TTC7B: variants seen among roughly 807,000 people sequenced by gnomAD.
TTC7B encodes tetratricopeptide repeat domain 7B.
Under a neutral mutation model 106.8 loss-of-function variants are expected in TTC7B, and 28 were observed. That is an observed-to-expected ratio of 0.26 (90% confidence interval 0.19 to 0.36). The LOEUF is 0.36. Among genes scored for constraint, TTC7B ranks in the 10% least tolerant of loss-of-function variants. The pLI is 1.00. For missense variants in TTC7B, 862 were observed against 1,076.4 expected, an observed-to-expected ratio of 0.80 and a Z score of 2.79; for synonymous variants, 405 against 430.6, an observed-to-expected ratio of 0.94 and a Z score of 0.74.
chr14:90,600,362 G>A lies in TTC7B; in HGVS notation c.1967-6736C>T, dbSNP rs374971699. On this transcript the variant is annotated intron_variant, in intron 17 of 19. Transcript: ENST00000328459. This position sits in a 1 kb window ranked among gnomAD's most constrained non-coding sequence, Gnocchi z 4.3. ...TGCTGCTTCCCTGGGAGCTGCCCTC[G>A]CGCCTTGTGTCCCCCAGTGTGACAG... Among the ~76,000 whole-genome samples the A allele has an allele frequency of 3.3e-5, 5 of 152,100 alleles. 1 individual carries two copies. Among genetic ancestry groups the A allele is most frequent in the East Asian group, 1.9e-4 (1 of 5,180 alleles).
chr14:90,727,416 C>T (rs1307361312), intron 5 of TTC7B, among the ~76,000 whole-genome samples: 1 of 152,226 alleles, frequency 6.6e-6, no homozygotes, highest in African/African-American at 2.4e-5. Flanking sequence ...ACAATAGGGG[C>T]AATACTGCTC....
intron 2 of TTC7B, among the ~76,000 whole-genome samples, chr14:90,785,698 G>T (rs774630939): frequency 1.6e-4 from 25 of 152,272 alleles, no homozygotes; most frequent in African/African-American, 4.3e-4. Context: ...TTGCTGAGAC[G>T]TGGGGAAGTT....
chr14:90,622,777 A>G (rs577087129), intron 15 of TTC7B, among the ~76,000 whole-genome samples: 123 of 152,150 alleles, frequency 8.1e-4, no homozygotes, highest in Non-Finnish European at 1.1e-3. Flanking sequence ...CTCATTAAAA[A>G]CTTACAGAAA....
At chr14:90,547,325 T>C (rs1054697326) in intron 19 of TTC7B, among the ~76,000 whole-genome samples, 1 of 152,270 alleles carries the variant, frequency 6.6e-6, no homozygotes, top group Non-Finnish European at 1.5e-5. Flanking sequence ...AGCATCTTCC[T>C]CGCTTTTGCC....
chr14:90,644,664 A>G (rs1251688206), intron 14 of TTC7B: 1 of 154,048 alleles, frequency 6.5e-6, no homozygotes, highest in Non-Finnish European at 1.4e-5. Context: ...TTCAAGTATT[A>G]CTGAAATTAA....
chr14:90,622,930 C>T (rs1884273054), intron 15 of TTC7B, among the ~76,000 whole-genome samples: 1 of 152,136 alleles, frequency 6.6e-6, no homozygotes. Context: ...TGTCCATTGC[C>T]CATCACCTAC....
intron 5 of TTC7B, among the ~76,000 whole-genome samples, chr14:90,721,246 G>C (rs1211226272): frequency 6.6e-6 from 1 of 152,160 alleles, no homozygotes; most frequent in Non-Finnish European, 1.5e-5. Flanking sequence ...CCATCTTGCT[G>C]AATGCTGAGG....
intron 17 of TTC7B, among the ~76,000 whole-genome samples, chr14:90,601,658 C>A (rs1009982927): frequency 6.6e-6 from 1 of 152,160 alleles, no homozygotes; most frequent in Non-Finnish European, 1.5e-5. Flanking sequence ...TGCAGGGGAG[C>A]GCCCCGGGTC....
At chr14:90,557,494 G>T (rs1029472249) in intron 19 of TTC7B, among the ~76,000 whole-genome samples, 1 of 152,254 alleles carries the variant, frequency 6.6e-6, no homozygotes, top group Admixed American at 6.5e-5. Flanking sequence ...AGGAATATTT[G>T]TTGGAGCACC....
chr14:90,566,691 G>C (rs935082951), intron 19 of TTC7B, among the ~76,000 whole-genome samples: 5 of 152,242 alleles, frequency 3.3e-5, no homozygotes, highest in Non-Finnish European at 7.3e-5. Context: ...GTGGTGGGCA[G>C]TAAAGCAGGC....
Position 90,570,826 on chromosome 14 carries a change from G to C in TTC7B, c.2310+7280C>G, listed in dbSNP as rs1339585834. Among the ~76,000 whole-genome samples the C allele has an allele frequency of 6.6e-6, 1 of 152,138 alleles. No individual in the cohort carries two copies. The highest frequency in any genetic ancestry group is 1.5e-5 in the Non-Finnish European group (1 of 68,040). ...TTAACCCGCACAGCAACACCACCGG[G>C]CACTGTTATTACTCCCATTTCACTG... On this transcript the variant is annotated intron_variant, in intron 19 of 19. Coordinates refer to ENST00000328459, the MANE Select transcript of TTC7B (RefSeq NM_001010854.2). This position sits in a 1 kb window ranked among gnomAD's most constrained non-coding sequence, Gnocchi z 4.0.
At chr14:90,606,668 G>A (rs574852789) in intron 17 of TTC7B, among the ~76,000 whole-genome samples, 8 of 152,276 alleles carry the variant, frequency 5.3e-5, no homozygotes, top group East Asian at 3.9e-4. Context: ...AGGAAGGGAC[G>A]CCCAAGGTGA....
At chr14:90,592,029 A>T (rs999160824) in intron 18 of TTC7B, among the ~76,000 whole-genome samples, 1 of 152,226 alleles carries the variant, frequency 6.6e-6, no homozygotes, top group African/African-American at 2.4e-5. Flanking sequence ...TACGGTAGTC[A>T]TTATGGTGCA....
At chr14:90,749,680 C>T (rs1426365641) in intron 3 of TTC7B, among the ~76,000 whole-genome samples, 1 of 152,192 alleles carries the variant, frequency 6.6e-6, no homozygotes, top group African/African-American at 2.4e-5. Context: ...GCTGGGATTA[C>T]AGGCATGAGC....
chr14:90,641,693 T>C (rs988474370), intron 15 of TTC7B, among the ~76,000 whole-genome samples: 1 of 152,218 alleles, frequency 6.6e-6, no homozygotes, highest in Non-Finnish European at 1.5e-5. Context: ...CGGCTTAACA[T>C]TAAAATAACA....
At position 90,527,823 on chromosome 14, in the gene TTC7B, T is replaced by G. The variant is rs1169471386; in HGVS notation, c.*13545A>C. Reference sequence around the variant, plus strand: ...ATCCACCCACCTCAGCCTCCCAAAGTGCTGGGATTTCAGGCGTGAGCCACT... The same window carrying G: ...ATCCACCCACCTCAGCCTCCCAAAGGGCTGGGATTTCAGGCGTGAGCCACT... On this transcript the variant is annotated 3_prime_UTR_variant, in exon 20 of 20. Transcript: ENST00000328459. 1 of 151,672 alleles carries G rather than the reference T, an allele frequency of 6.6e-6. No individual in the cohort carries two copies. Among genetic ancestry groups the G allele is most frequent in the Non-Finnish European group, 1.5e-5 (1 of 67,930 alleles). The allele number at this position is 151,672 out of a possible 1,614,324, so 9.4% of individuals were successfully genotyped here. A position where few individuals can be genotyped will look rare whatever the true frequency, so the allele number is the denominator to read the frequency against.
intron 15 of TTC7B, among the ~76,000 whole-genome samples, chr14:90,621,826 C>G (rs1720748612): frequency 6.6e-6 from 1 of 152,200 alleles, no homozygotes; most frequent in Non-Finnish European, 1.5e-5. Flanking sequence ...TTTGCTGAAC[C>G]TGCTTACACA....
Position 90,571,000 on chromosome 14 carries a change from C to A in TTC7B, c.2310+7106G>T, listed in dbSNP as rs544164837. 6.6e-6 allele frequency among the ~76,000 whole-genome samples: 1 copy of A among 152,262 alleles called. No individual in the cohort carries two copies. The highest frequency in any genetic ancestry group is 1.5e-5 in the Non-Finnish European group (1 of 68,014). On this transcript the variant is annotated intron_variant, in intron 19 of 19. Coordinates refer to ENST00000328459, the MANE Select transcript of TTC7B (RefSeq NM_001010854.2). The surrounding 1 kb of genome is among the most constrained non-coding windows in gnomAD (Gnocchi z 4.0). Reference sequence around the variant, plus strand: ...CGCCTGTCACTGAAGCTCTGGGTTCCTAAGGGACCACACCAACATACGATT... The same window carrying A: ...CGCCTGTCACTGAAGCTCTGGGTTCATAAGGGACCACACCAACATACGATT...
rs542194115 is a variant in TTC7B at position 90,733,193 on chromosome 14, C to G, written c.577-2997G>C. On this transcript the variant is annotated intron_variant, in intron 4 of 19. Coordinates refer to ENST00000328459, the MANE Select transcript of TTC7B (RefSeq NM_001010854.2). ...TGTCTTAGGCACCATGTGGGTACAT[C>G]GCTATCTCATGTATTCCTCCACAAA... 1.5e-3 allele frequency among the ~76,000 whole-genome samples: 221 copies of G among 152,108 alleles called. 1 individual carries two copies. The highest frequency in any genetic ancestry group is 5.2e-3 in the African/African-American group (216 of 41,486).
Sources: allele counts gnomAD v4.1 joint callset (sites outside exome capture counted in the v4.1 genomes callset), GRCh38; gene constraint gnomAD v4.1.1; non-coding constraint Gnocchi (gnomAD v3.1); transcripts MANE v1.5; gene names NCBI Gene and HGNC (gene_info 2026-07-23, HGNC 2026-07-21).